Variants in RGSL1 observed in about 807,000 individuals in gnomAD.
RGSL1 encodes the protein regulator of G protein signaling protein-like.
A neutral mutation model predicts 124.7 loss-of-function variants in RGSL1; 97 were observed. That is an observed-to-expected ratio of 0.78 (90% CI 0.66 to 0.92). The LOEUF is 0.92. RGSL1 is among the 40% of genes least tolerant of loss of function. The probability of loss-of-function intolerance (pLI) is 0.00; values close to 1 mark genes in which losing one functional copy is unlikely to be tolerated. For missense variants in RGSL1, 1,233 were observed against 1,288.4 expected, an observed-to-expected ratio of 0.96 and a Z score of 0.66; for synonymous variants, 424 against 438.1, an observed-to-expected ratio of 0.97 and a Z score of 0.40.
chr1:182,527,442 C>T, intron 10 of RGSL1, 137 bp from the exon 11 acceptor site: 1 of 660,770 alleles, frequency 1.5e-6, no homozygotes, highest in Non-Finnish European at 2.5e-6. Flanking sequence ...CAGATTTAGC[C>T]AATCCATCCA....
chr1:182,473,500 A>G, intron 5 of RGSL1, 75 bp from the exon 6 acceptor site: 1 of 1,434,784 alleles, frequency 7.0e-7, no homozygotes, highest in Non-Finnish European at 9.2e-7. Flanking sequence ...GAAAAAAATT[A>G]AAAACCTCTC....
intron 8 of RGSL1, among the ~76,000 whole-genome samples, chr1:182,491,116 G>A (rs1655493930): frequency 2.0e-5 from 3 of 149,930 alleles, no homozygotes; most frequent in Admixed American, 1.3e-4. Flanking sequence ...TTGAACTCCT[G>A]GGCTGAAGCC....
intron 3 of RGSL1, among the ~76,000 whole-genome samples, 167 bp from the exon 4 acceptor site, chr1:182,459,837 T>G (rs1652662134): frequency 6.6e-6 from 1 of 152,248 alleles, no homozygotes. Context: ...TACTTCTTTT[T>G]CTTAAGTCCA....
chr1:182,550,986 G>A, intron 17 of RGSL1, 114 bp from the exon 18 acceptor site: 1 of 694,492 alleles, frequency 1.4e-6, no homozygotes, highest in East Asian at 2.7e-5. Context: ...CCTCTTCTCT[G>A]TTGGACACCC....
chr1:182,514,784 G>A (rs943078422), intron 9 of RGSL1, among the ~76,000 whole-genome samples: 1 of 152,186 alleles, frequency 6.6e-6, no homozygotes, highest in Non-Finnish European at 1.5e-5. Flanking sequence ...AGATGGTATC[G>A]AAATGAATGG....
At chr1:182,559,584 C>T (rs1336520637) in intron 21 of RGSL1, among the ~76,000 whole-genome samples, 1 of 152,236 alleles carries the variant, frequency 6.6e-6, no homozygotes, top group Non-Finnish European at 1.5e-5. Flanking sequence ...CAAATCTGAC[C>T]TGCTCATTTC....
intron 9 of RGSL1, among the ~76,000 whole-genome samples, chr1:182,516,515 CCTTT>C (rs1261624546): frequency 6.6e-6 from 1 of 152,096 alleles, no homozygotes; most frequent in African/African-American, 2.4e-5. Context: ...TTTTATAACT[CCTTT>C]CTTTTTTCCT....
At position 182,489,189 on chromosome 1, in the gene RGSL1, A is replaced by G. The variant is rs759480831; in HGVS notation, c.1704A>G (p.Pro568=). The G allele has an allele frequency of 4.0e-5, 62 of 1,551,600 alleles. No homozygotes were observed. The highest frequency in any genetic ancestry group is 5.3e-5 in the Non-Finnish European group (61 of 1,146,988). The change falls in exon 8 of 22, where the codon CCA becomes CCG. Residue 568 remains proline, a synonymous_variant. Coordinates refer to ENST00000294854, the MANE Select transcript of RGSL1 (RefSeq NM_001137669.2). ...CTCTCCAGGTAGAGCTGACATCTCCAGTGTTTCTAACAGGTCAGAGCAGTC... is the reference window on the plus strand; with the variant it reads ...CTCTCCAGGTAGAGCTGACATCTCCGGTGTTTCTAACAGGTCAGAGCAGTC... ...GGSLQVELTS[P]VFLTDITKMS...
rs374582526 is a variant in RGSL1 at position 182,473,883 on chromosome 1, T to C, written c.772T>C (p.Leu258=). The part of the protein sequence containing the change: ...SRKAKRKMWQ[L]VDPDSWSLEM... ...GAAAGCCAAGAGGAAGATGTGGCAA[T>C]TGGTAGATCCTGACTCTTGGTCTCT... The change falls in exon 6 of 22, where the codon TTG becomes CTG. Residue 258 remains leucine (L), a synonymous_variant. Coordinates refer to ENST00000294854, the MANE Select transcript of RGSL1 (RefSeq NM_001137669.2). 100 of 1,551,806 alleles carry C rather than the reference T, an allele frequency of 6.4e-5. No individual in the cohort carries two copies. Among genetic ancestry groups the C allele is most frequent in the African/African-American group, 3.4e-4 (25 of 73,152 alleles).
chr1:182,530,987 A>G (rs553835543), intron 13 of RGSL1, 77 bp downstream of exon 13: 34 of 1,470,140 alleles, frequency 2.3e-5, no homozygotes, highest in Non-Finnish European at 3.1e-5. Flanking sequence ...TTAAATCCCC[A>G]TTTTGCAAAG....
At chr1:182,548,186 G>A in intron 15 of RGSL1, 131 bp from the exon 16 acceptor site, 1 of 889,736 alleles carries the variant, frequency 1.1e-6, no homozygotes, top group Non-Finnish European at 1.8e-6. Flanking sequence ...ATGACTGAAT[G>A]AATAAAGTCA....
At chr1:182,552,756 G>A (rs937658493) in intron 18 of RGSL1, among the ~76,000 whole-genome samples, 1 of 152,212 alleles carries the variant, frequency 6.6e-6, no homozygotes, top group Non-Finnish European at 1.5e-5. Flanking sequence ...AGGGCTTTAC[G>A]CTGCATCACC....
chr1:182,542,909 T>C (rs1659981090), intron 15 of RGSL1, among the ~76,000 whole-genome samples: 2 of 152,132 alleles, frequency 1.3e-5, no homozygotes, highest in African/African-American at 4.8e-5. Context: ...GATTTTTTAT[T>C]CTGCAACTTT....
At chr1:182,481,026 C>A (rs1311701053) in intron 6 of RGSL1, among the ~76,000 whole-genome samples, 1 of 151,966 alleles carries the variant, frequency 6.6e-6, no homozygotes, top group South Asian at 2.1e-4. Flanking sequence ...AATAAACCAC[C>A]TAACTTTACA....
intron 6 of RGSL1, among the ~76,000 whole-genome samples, chr1:182,481,655 T>A (rs1458426769): frequency 1.3e-5 from 2 of 152,040 alleles, no homozygotes; most frequent in African/African-American, 4.8e-5. Flanking sequence ...CGGGTCAATA[T>A]CCCTGAGGAA....
chr1:182,521,184 C>T (rs149933323), intron 9 of RGSL1, among the ~76,000 whole-genome samples: 7 of 152,266 alleles, frequency 4.6e-5, no homozygotes, highest in African/African-American at 1.7e-4. Flanking sequence ...ATCTTCTTGC[C>T]TCAGCCTTCC....
intron 15 of RGSL1, among the ~76,000 whole-genome samples, chr1:182,547,154 G>A (rs1361668324): frequency 2.6e-5 from 4 of 152,150 alleles, no homozygotes; most frequent in Admixed American, 6.6e-5. Flanking sequence ...CAACTATGAC[G>A]TGCTCTCTAT....
intron 9 of RGSL1, among the ~76,000 whole-genome samples, chr1:182,506,458 T>C (rs1014750429): frequency 6.6e-6 from 1 of 152,172 alleles, no homozygotes; most frequent in Non-Finnish European, 1.5e-5. Context: ...TGCAAGCAAA[T>C]ATGGAATTAT....
In RGSL1 at chr1:182,530,874, CT is replaced by C; in HGVS notation, c.2329del (p.Ser777GlnfsTer3). On this transcript the variant is annotated frameshift_variant, in exon 13 of 22. Transcript: ENST00000294854. LOFTEE classifies it high-confidence loss of function. ...AAGTACAAATTTCGTCTAGGAAGCC[CT>C]CAAAGATAGTGTCAACTTACCTACA... is the stretch of plus-strand genomic sequence containing the variant. ...SEVQISSRKPSKIVSTYLQES... is the reference protein window; with the variant it reads ...SEVQISSRKPXKIVSTYLQES... 2 of 1,549,820 alleles carry C rather than the reference CT, an allele frequency of 1.3e-6. No individual in the cohort carries two copies. The highest frequency in any genetic ancestry group is 2.4e-5 in the South Asian group (2 of 83,854).
Sources: allele counts gnomAD v4.1 joint callset (sites outside exome capture counted in the v4.1 genomes callset), GRCh38; gene constraint gnomAD v4.1.1; transcripts MANE v1.5; gene names NCBI Gene and HGNC (gene_info 2026-07-23, HGNC 2026-07-21).